The following ADGRB3 variants were observed in gnomAD, a reference collection of about 807,000 sequenced individuals.
The protein encoded by ADGRB3 is adhesion G protein-coupled receptor B3.
ADGRB3 carries 37 observed loss-of-function variants against 193.4 expected under a neutral mutation model. The observed-to-expected ratio is 0.19, with a 90% CI of 0.15 to 0.25. The LOEUF (loss-of-function observed/expected upper bound fraction) is 0.25, where lower values mean the gene tolerates loss of function less well. ADGRB3 is among the 10% of genes least tolerant of loss of function. The pLI, the probability that ADGRB3 is intolerant of heterozygous loss-of-function variation, is 1.00. For missense variants in ADGRB3, 1,637 were observed against 1,852.9 expected (o/e 0.88, Z 2.14); for synonymous variants, 690 against 644.2 (o/e 1.07, Z -1.08).
Position 69,292,015 on chromosome 6 carries a change from T to C in ADGRB3, c.2815-32857T>C, listed in dbSNP as rs528956000. On this transcript the variant is annotated intron_variant, in intron 20 of 31. Transcript: ENST00000370598. ...TCTGAAAAAACAAGCCTTGCCAAGT[T>C]TTCTCTAGTTTATTACCATTAGATT... Among the ~76,000 whole-genome samples the C allele has an allele frequency of 6.3e-4, 96 of 152,258 alleles. 1 individual carries two copies. The highest frequency in any genetic ancestry group is 2.3e-3 in the African/African-American group (95 of 41,566).
At chr6:69,194,452 C>T (rs562644255) in intron 17 of ADGRB3, among the ~76,000 whole-genome samples, 9 of 152,236 alleles carry the variant, frequency 5.9e-5, no homozygotes, top group East Asian at 3.9e-4. Context: ...CTTAATACTT[C>T]GCTGGTTCCT....
intron 13 of ADGRB3, among the ~76,000 whole-genome samples, chr6:69,047,977 G>A (rs147841403): frequency 6.6e-6 from 1 of 152,178 alleles, no homozygotes; most frequent in East Asian, 1.9e-4. Flanking sequence ...CCCACTGAAA[G>A]CAACAAAAAC....
At chr6:69,264,612 TCA>T (rs1041659176) in intron 20 of ADGRB3, among the ~76,000 whole-genome samples, 1 of 151,860 alleles carries the variant, frequency 6.6e-6, no homozygotes, top group Non-Finnish European at 1.5e-5. Context: ...CTCCTTGGAC[TCA>T]GACTTGCATT....
At chr6:68,979,528 T>C (rs961820525) in intron 10 of ADGRB3, among the ~76,000 whole-genome samples, 2 of 151,554 alleles carry the variant, frequency 1.3e-5, no homozygotes, top group African/African-American at 2.4e-5. Context: ...CTTATCCAAT[T>C]AAATAAAATT....
At chr6:69,336,768 C>T (rs1047864633) in intron 24 of ADGRB3, among the ~76,000 whole-genome samples, 4 of 151,962 alleles carry the variant, frequency 2.6e-5, no homozygotes, top group African/African-American at 9.7e-5. Context: ...AATAAAGAAA[C>T]AAGATCTCAT....
In ADGRB3 at chr6:69,166,662, G is replaced by T. The variant is rs149172597; in HGVS notation, c.2481-66628G>T. On this transcript the variant is annotated intron_variant, in intron 17 of 31. Transcript: ENST00000370598. ...CAACAAATATTGAGTGCATCAATTTGCCACTCACTGTTGTAGGCACTGAGG... is the reference window on the plus strand; with the variant it reads ...CAACAAATATTGAGTGCATCAATTTTCCACTCACTGTTGTAGGCACTGAGG... Among the ~76,000 whole-genome samples, 1,306 of 152,160 alleles carry T rather than the reference G, an allele frequency of 8.6e-3. 17 individuals are homozygous for T. The highest frequency in any genetic ancestry group is 0.03 in the African/African-American group (1,250 of 41,544).
chr6:69,156,687 A>G (rs535848942), intron 17 of ADGRB3, among the ~76,000 whole-genome samples: 2 of 152,318 alleles, frequency 1.3e-5, no homozygotes, highest in South Asian at 2.1e-4. Flanking sequence ...CATGTATACA[A>G]TGGATTGCAA....
chr6:68,788,103 C>G (rs1226076776), intron 3 of ADGRB3, among the ~76,000 whole-genome samples: 1 of 152,058 alleles, frequency 6.6e-6, no homozygotes, highest in Admixed American at 6.6e-5. Context: ...TTCAAAAAAC[C>G]AGCTCCTGGA....
At chr6:68,981,102 CCTTTTAATT>C (rs1323498429) in intron 10 of ADGRB3, among the ~76,000 whole-genome samples, 1 of 151,630 alleles carries the variant, frequency 6.6e-6, no homozygotes, top group Admixed American at 6.6e-5. Context: ...CATTTTACTG[CCTTTTAATT>C]CTTGTCACCA....
chr6:69,174,381 A>G (rs1007035916), intron 17 of ADGRB3, among the ~76,000 whole-genome samples: 1 of 152,114 alleles, frequency 6.6e-6, no homozygotes, highest in African/African-American at 2.4e-5. Context: ...CATGAATTTG[A>G]TTGGGATAAT....
At chr6:68,981,123 G>T (rs1003969717) in intron 10 of ADGRB3, among the ~76,000 whole-genome samples, 1 of 151,584 alleles carries the variant, frequency 6.6e-6, no homozygotes, top group Middle Eastern at 3.4e-3. Flanking sequence ...TTGTCACCAC[G>T]CTCCAAAATG....
intron 17 of ADGRB3, among the ~76,000 whole-genome samples, chr6:69,146,947 T>C (rs1294643568): frequency 4.0e-5 from 6 of 151,880 alleles, no homozygotes; most frequent in Non-Finnish European, 7.4e-5. Context: ...TCATATATAG[T>C]TGCCGACAGT....
At position 69,019,189 on chromosome 6, in the gene ADGRB3, G is replaced by T. The variant is rs893570889; in HGVS notation, c.2107+690G>T. Among the ~76,000 whole-genome samples the T allele has an allele frequency of 2.6e-5, 4 of 151,866 alleles. 1 individual carries two copies. Among genetic ancestry groups the T allele is most frequent in the African/African-American group, 9.7e-5 (4 of 41,376 alleles). On this transcript the variant is annotated intron_variant, in intron 13 of 31. Transcript: ENST00000370598. ...AGTGATACACATTGAATTGATGTAG[G>T]CTTACAGTTTTCTCATTTCTTTAAA... is the stretch of plus-strand genomic sequence containing the variant.
intron 24 of ADGRB3, among the ~76,000 whole-genome samples, chr6:69,338,132 G>C (rs1262220368): frequency 1.3e-5 from 2 of 152,134 alleles, no homozygotes; most frequent in African/African-American, 4.8e-5. Context: ...TAATGTAGTA[G>C]ATGGAGTATG....
chr6:69,116,383 C>CT (rs34940707), intron 17 of ADGRB3, among the ~76,000 whole-genome samples: 3 of 152,072 alleles, frequency 2.0e-5, no homozygotes, highest in Non-Finnish European at 4.4e-5. Flanking sequence ...ACCCCTAACC[C>CT]TTTTTTAATG....
At chr6:69,112,745 A>G (rs1773403032) in intron 17 of ADGRB3, among the ~76,000 whole-genome samples, 1 of 150,034 alleles carries the variant, frequency 6.7e-6, no homozygotes, top group Non-Finnish European at 1.5e-5. Context: ...ATTAGGTATT[A>G]TAAGTAATCC....
At chr6:68,879,015 G>A (rs1347896736) in intron 3 of ADGRB3, among the ~76,000 whole-genome samples, 1 of 152,118 alleles carries the variant, frequency 6.6e-6, no homozygotes, top group Non-Finnish European at 1.5e-5. Flanking sequence ...CTCTTTCACA[G>A]TGCATGGGAA....
intron 17 of ADGRB3, among the ~76,000 whole-genome samples, chr6:69,090,963 T>C (rs754432043): frequency 3.3e-5 from 5 of 152,126 alleles, no homozygotes; most frequent in African/African-American, 4.8e-5. Flanking sequence ...GGCATAAAAG[T>C]ATATTTAAAA....
intron 20 of ADGRB3, among the ~76,000 whole-genome samples, chr6:69,289,825 A>C (rs1582607875): frequency 6.9e-6 from 1 of 144,488 alleles, no homozygotes. Flanking sequence ...AAGGTGCTGC[A>C]CTCTGCCACA....
Sources: gnomAD v4.1 joint callset for allele counts (sites outside exome capture counted in the v4.1 genomes callset) on GRCh38, gnomAD v4.1.1 for gene constraint, MANE v1.5 for transcripts, NCBI Gene and HGNC (gene_info 2026-07-23, HGNC 2026-07-21) for gene names.